Variants in EPG5 observed in about 807,000 individuals in gnomAD.
EPG5 encodes the protein ectopic P-granules 5 autophagy tethering factor.
Under a neutral mutation model 302.7 loss-of-function variants are expected in EPG5, and 159 were observed. The ratio of observed to expected loss-of-function variants is 0.53; its 90% CI spans 0.46 to 0.60. The LOEUF is 0.60. Ranked by LOEUF, EPG5 falls within the 20% of genes least tolerant of loss-of-function variation. EPG5 has a pLI of 0.00. For missense variants in EPG5, 2,896 were observed against 3,092.4 expected (o/e 0.94, Z 1.51); for synonymous variants, 1,158 against 1,136.8 (o/e 1.02, Z -0.37).
At chr18:45,907,192 A>C (rs2049771778) in intron 24 of EPG5, 1 of 152,242 alleles carries the variant, frequency 6.6e-6, no homozygotes, top group Admixed American at 6.5e-5. Context: ...ATGATGTGAA[A>C]GTAGGAGGGT....
At chr18:45,831,688 C>T in the EPG5 span, among the ~76,000 whole-genome samples, 93 of 151,762 alleles carry the variant, frequency 6.1e-4, no homozygotes, top group African/African-American at 2.1e-3. Context: ...TATACTTCAG[C>T]TGGTCCAACA....
chr18:45,831,256 C>T, the EPG5 span, among the ~76,000 whole-genome samples: 2 of 152,218 alleles, frequency 1.3e-5, no homozygotes, highest in Admixed American at 1.3e-4. Flanking sequence ...CTTCTGGGTT[C>T]ACTCCTTCTC....
At chr18:45,866,022 T>C (rs538707284) in intron 38 of EPG5, among the ~76,000 whole-genome samples, 2 of 152,276 alleles carry the variant, frequency 1.3e-5, no homozygotes, top group East Asian at 3.9e-4. Context: ...ATAACAACAT[T>C]AACCAAACAC....
intron 16 of EPG5, among the ~76,000 whole-genome samples, chr18:45,919,537 G>A (rs1291500112): frequency 6.8e-6 from 1 of 146,158 alleles, no homozygotes; most frequent in African/African-American, 2.6e-5. Context: ...TTTTGAGACA[G>A]AGTCTCGCTC....
Position 45,923,406 on chromosome 18 carries a change from A to T in EPG5, c.2719-19T>A, listed in dbSNP as rs200251297. 6.0e-4 allele frequency: 966 copies of T among 1,606,480 alleles called. No homozygotes were observed. The highest frequency in any genetic ancestry group is 8.0e-4 in the Non-Finnish European group (943 of 1,177,822). ...GGGTAGCCTTTTAAAGAGAAAAATA[A>T]TCACAAACATACAACCTTGGTTTTG... On this transcript the variant is annotated intron_variant, in intron 14 of 43. Transcript: ENST00000282041.
chr18:45,934,278 G>A (rs761279907), intron 11 of EPG5, among the ~76,000 whole-genome samples: 1 of 152,028 alleles, frequency 6.6e-6, no homozygotes. Flanking sequence ...GATAGAGTGA[G>A]ACCCTGTCTC....
At chr18:45,868,915 CA>C (rs2048810262) in intron 36 of EPG5, among the ~76,000 whole-genome samples, 1 of 151,410 alleles carries the variant, frequency 6.6e-6, no homozygotes, top group Non-Finnish European at 1.5e-5. Flanking sequence ...ATTAGCTGGG[CA>C]TGGTGGTGGG....
At chr18:45,894,377 T>A (rs1440539026) in intron 27 of EPG5, among the ~76,000 whole-genome samples, 1 of 152,042 alleles carries the variant, frequency 6.6e-6, no homozygotes, top group African/African-American at 2.4e-5. Flanking sequence ...GGAGAATTGT[T>A]TGAACCCAGG....
chr18:45,891,108 C>A (rs981499106), intron 27 of EPG5, among the ~76,000 whole-genome samples: 1 of 152,212 alleles, frequency 6.6e-6, no homozygotes, highest in Admixed American at 6.5e-5. Flanking sequence ...TTAAAGATAT[C>A]CTTTATAAAT....
chr18:45,885,991 C>T (rs10164208), intron 29 of EPG5, among the ~76,000 whole-genome samples: 33 of 152,170 alleles, frequency 2.2e-4, no homozygotes, highest in African/African-American at 7.9e-4. Context: ...TAATGAAATA[C>T]CACTCCCTTA....
intron 42 of EPG5, among the ~76,000 whole-genome samples, chr18:45,856,389 G>A (rs147883267): frequency 2.0e-4 from 31 of 152,276 alleles, no homozygotes; most frequent in Admixed American, 5.2e-4. Context: ...CTAGAGACAC[G>A]GGGATTAAAG....
At chr18:45,873,152 T>A (rs556035679) in intron 35 of EPG5, among the ~76,000 whole-genome samples, 38 of 152,334 alleles carry the variant, frequency 2.5e-4, no homozygotes, top group African/African-American at 8.9e-4. Context: ...TTCTGTCCTA[T>A]GCCACTTTCT....
chr18:45,948,476 T>TAG, intron 6 of EPG5, 27 bp downstream of exon 6: 1 of 1,582,878 alleles, frequency 6.3e-7, no homozygotes, highest in Non-Finnish European at 8.7e-7. Flanking sequence ...TTTCAATCTC[T>TAG]ACTTCACAAA....
chr18:45,897,308 T>C (rs2049500686), intron 27 of EPG5, among the ~76,000 whole-genome samples: 1 of 152,228 alleles, frequency 6.6e-6, no homozygotes, highest in African/African-American at 2.4e-5. Context: ...ACTTGTCACT[T>C]ATAAAAATGC....
At chr18:45,863,182 G>A (rs186771202) in intron 39 of EPG5, among the ~76,000 whole-genome samples, 5 of 152,044 alleles carry the variant, frequency 3.3e-5, no homozygotes, top group Non-Finnish European at 7.4e-5. Flanking sequence ...TATATCCTTA[G>A]GCTTTTGATG....
chr18:45,823,982 A>C, the EPG5 span, among the ~76,000 whole-genome samples: 2 of 152,368 alleles, frequency 1.3e-5, no homozygotes, highest in Admixed American at 1.3e-4. Flanking sequence ...CAAGAAAATA[A>C]ATAAGTACAT....
chr18:45,916,156 C>A lies in EPG5; in HGVS notation c.3435G>T (p.Val1145=). The A allele has an allele frequency of 6.2e-7, 1 of 1,614,090 alleles. No individual in the cohort carries two copies. Among genetic ancestry groups the A allele is most frequent in the South Asian group, 1.1e-5 (1 of 91,070 alleles). ...TQPNEVGPVA[V]LEFWVQALIS... The stretch of plus-strand genomic sequence containing the variant: ...TGAGAGCCTGAACCCAGAACTCCAA[C>A]ACAGCAACGGGGCCCACTTCATTGG... Residue 1145 remains valine, a synonymous_variant, in exon 19 of 44, where the codon GTG becomes GTT. Coordinates refer to ENST00000282041, the MANE Select transcript of EPG5 (RefSeq NM_020964.3).
At chr18:45,817,908 T>C in the EPG5 span, among the ~76,000 whole-genome samples, 1 of 152,248 alleles carries the variant, frequency 6.6e-6, no homozygotes, top group Non-Finnish European at 1.5e-5. Flanking sequence ...AGGAGTATAC[T>C]TGTGTACAAA....
chr18:45,869,703 C>G (rs2048829511), intron 36 of EPG5, among the ~76,000 whole-genome samples: 1 of 152,158 alleles, frequency 6.6e-6, no homozygotes, highest in Non-Finnish European at 1.5e-5. Flanking sequence ...GCTTTTCTTG[C>G]ATTTCAGCTA....
Sources: gnomAD v4.1 joint callset for allele counts (sites outside exome capture counted in the v4.1 genomes callset) on GRCh38, gnomAD v4.1.1 for gene constraint, MANE v1.5 for transcripts, NCBI Gene and HGNC (gene_info 2026-07-23, HGNC 2026-07-21) for gene names.